Variants in CNTNAP2 observed in about 807,000 individuals in gnomAD.
CNTNAP2 encodes contactin-associated protein-like 2.
In CNTNAP2, 98 loss-of-function variants were observed where a neutral mutation model predicts 155.2. The observed-to-expected ratio is 0.63, with a 90% CI of 0.54 to 0.75. The LOEUF is 0.75. Among genes scored for constraint, CNTNAP2 ranks in the 30% least tolerant of loss-of-function variants. CNTNAP2 has a pLI of 0.00. For missense variants in CNTNAP2, 1,727 were observed against 1,688.1 expected (o/e 1.02, Z -0.40); for synonymous variants, 651 against 631.2 (o/e 1.03, Z -0.47).
chr7:147,264,133 CA>C (rs1584829307), intron 8 of CNTNAP2, among the ~76,000 whole-genome samples: 4 of 151,906 alleles, frequency 2.6e-5, no homozygotes. Flanking sequence ...AAAGGTCAGA[CA>C]AAGGCAAGGA....
At chr7:147,934,731 G>T (rs1386196118) in intron 14 of CNTNAP2, among the ~76,000 whole-genome samples, 3 of 152,188 alleles carry the variant, frequency 2.0e-5, no homozygotes, top group South Asian at 2.1e-4. Flanking sequence ...AAATGACAGG[G>T]ATATAAGTCT....
chr7:147,142,768 T>G (rs2129287687), intron 8 of CNTNAP2, among the ~76,000 whole-genome samples: 1 of 152,230 alleles, frequency 6.6e-6, no homozygotes, highest in East Asian at 1.9e-4. Flanking sequence ...AAAAAAAGAA[T>G]AAGTCCTGAT....
At chr7:147,578,683 G>A (rs1398051167) in intron 12 of CNTNAP2, among the ~76,000 whole-genome samples, 1 of 151,976 alleles carries the variant, frequency 6.6e-6, no homozygotes, top group East Asian at 1.9e-4. Context: ...AAATTATTTA[G>A]TATACAGTAT....
chr7:146,788,166 G>T (rs149808748), intron 2 of CNTNAP2, among the ~76,000 whole-genome samples: 1,634 of 152,274 alleles, frequency 0.011, 31 homozygotes, highest in African/African-American at 0.037. Context: ...GCGCGGGCTG[G>T]CCACCAAGCC....
At chr7:147,264,747 A>G (rs1804569446) in intron 8 of CNTNAP2, among the ~76,000 whole-genome samples, 1 of 151,890 alleles carries the variant, frequency 6.6e-6, no homozygotes, top group South Asian at 2.1e-4. Context: ...TGGAGGATGC[A>G]GCAAGACAGG....
At chr7:146,519,943 A>C (rs950145206) in intron 1 of CNTNAP2, among the ~76,000 whole-genome samples, 6 of 151,956 alleles carry the variant, frequency 3.9e-5, no homozygotes, top group Middle Eastern at 3.4e-3. Context: ...GGGAAAAAAA[A>C]CCTTAAAACT....
chr7:148,160,702 GT>G (rs1805515192), intron 17 of CNTNAP2, among the ~76,000 whole-genome samples: 1 of 152,142 alleles, frequency 6.6e-6, no homozygotes, highest in Admixed American at 6.5e-5. Flanking sequence ...GGGGCTGGGG[GT>G]CTCTGGTTCA....
chr7:147,405,811 C>T (rs1396838498), intron 10 of CNTNAP2, among the ~76,000 whole-genome samples: 1 of 152,032 alleles, frequency 6.6e-6, no homozygotes, highest in Non-Finnish European at 1.5e-5. Context: ...AATTCATTGG[C>T]GATTTTAGTT....
At chr7:148,396,285 T>C (rs1324432308) in intron 22 of CNTNAP2, among the ~76,000 whole-genome samples, 1 of 152,188 alleles carries the variant, frequency 6.6e-6, no homozygotes, top group Non-Finnish European at 1.5e-5. Flanking sequence ...ATCCCTTGAC[T>C]TGTGTGTCTT....
At chr7:147,536,016 C>T (rs1274375056) in intron 11 of CNTNAP2, among the ~76,000 whole-genome samples, 4 of 152,216 alleles carry the variant, frequency 2.6e-5, no homozygotes, top group African/African-American at 7.2e-5. Context: ...GAAATCCACA[C>T]ATACTCACCC....
intron 1 of CNTNAP2, among the ~76,000 whole-genome samples, chr7:146,441,469 C>T (rs1314895842): frequency 1.3e-5 from 2 of 151,452 alleles, no homozygotes; most frequent in Non-Finnish European, 2.9e-5. Flanking sequence ...CCCACCTGTT[C>T]CTTTCATTTA....
chr7:146,628,296 C>T (rs1199100111), intron 1 of CNTNAP2, among the ~76,000 whole-genome samples: 1 of 151,986 alleles, frequency 6.6e-6, no homozygotes, highest in Admixed American at 6.6e-5. Context: ...TTTTAGAGCA[C>T]CTTGTTTATC....
At chr7:147,854,550 A>C (rs1799004322) in intron 13 of CNTNAP2, among the ~76,000 whole-genome samples, 1 of 152,168 alleles carries the variant, frequency 6.6e-6, no homozygotes, top group South Asian at 2.1e-4. Flanking sequence ...TAGAAAATAT[A>C]AAACTCCCCA....
intron 8 of CNTNAP2, among the ~76,000 whole-genome samples, chr7:147,195,421 T>C (rs1802770804): frequency 2.0e-5 from 3 of 152,298 alleles, no homozygotes; most frequent in South Asian, 2.1e-4. Flanking sequence ...TTTGATTCCA[T>C]ATGAAATTTA....
At chr7:147,177,849 C>A (rs558369498) in intron 8 of CNTNAP2, among the ~76,000 whole-genome samples, 1 of 152,214 alleles carries the variant, frequency 6.6e-6, no homozygotes, top group South Asian at 2.1e-4. Flanking sequence ...AATTATGTAG[C>A]ACAACCCTAA....
At chr7:148,211,653 T>G (rs576627161) in intron 18 of CNTNAP2, among the ~76,000 whole-genome samples, 8 of 152,332 alleles carry the variant, frequency 5.3e-5, no homozygotes, top group African/African-American at 1.9e-4. Flanking sequence ...ATTGGGTCAC[T>G]TCGTTGAAAT....
chr7:146,712,234 ACATATCTTATGTATACAAATAT>A (rs1801099845), intron 1 of CNTNAP2, among the ~76,000 whole-genome samples: 1 of 126,584 alleles, frequency 7.9e-6, no homozygotes, highest in African/African-American at 2.8e-5. Flanking sequence ...AAATATGTAT[ACATATCTTATGTATACAAATAT>A]GTATACATAT....
intron 13 of CNTNAP2, among the ~76,000 whole-genome samples, chr7:147,891,800 G>GC (rs1554446163): frequency 4.6e-5 from 7 of 151,646 alleles, no homozygotes; most frequent in South Asian, 2.1e-4. Flanking sequence ...TTCCAACATA[G>GC]CCCCCCCTAC....
chr7:147,770,321 C>T lies in CNTNAP2; in HGVS notation c.2098+131015C>T, dbSNP rs538106237. 7.0e-4 allele frequency among the ~76,000 whole-genome samples: 106 copies of T among 152,150 alleles called. 1 individual carries two copies. Among genetic ancestry groups the T allele is most frequent in the African/African-American group, 2.5e-3 (102 of 41,510 alleles). On this transcript the variant is annotated intron_variant, in intron 13 of 23. Coordinates refer to ENST00000361727, the MANE Select transcript of CNTNAP2 (RefSeq NM_014141.6). The stretch of plus-strand genomic sequence containing the variant: ...GCCTAAAAGTTCTATTTCAAAGTTG[C>T]AATACTGCACCATAGGTTTCCCTCT...
Sources: allele counts gnomAD v4.1 joint callset (sites outside exome capture counted in the v4.1 genomes callset), GRCh38; gene constraint gnomAD v4.1.1; transcripts MANE v1.5; gene names NCBI Gene and HGNC (gene_info 2026-07-23, HGNC 2026-07-21).